COL4A5: variants seen among roughly 807,000 people sequenced by gnomAD.
COL4A5 encodes the protein collagen alpha-5(IV) chain.
COL4A5 carries 26 observed loss-of-function variants against 130.2 expected under a neutral mutation model. The observed-to-expected ratio is 0.20, with a 90% CI of 0.15 to 0.28. The LOEUF is 0.28. Ranked by LOEUF, COL4A5 falls within the 10% of genes least tolerant of loss-of-function variation. The probability of loss-of-function intolerance (pLI) is 1.00; values close to 1 mark genes in which losing one functional copy is unlikely to be tolerated. For synonymous variants in COL4A5, 496 were observed against 439.6 expected (o/e 1.13, Z -1.60); for missense variants, 1,131 against 1,344.3 (o/e 0.84, Z 2.48).
At chrX:108,521,269 G>A (rs771284099) in intron 1 of COL4A5, among the ~76,000 whole-genome samples, 1 of 111,034 alleles carries the variant, frequency 9.0e-6, no homozygotes, top group Admixed American at 9.7e-5. Flanking sequence ...TATCTAGAAT[G>A]CGTTGGAGGA....
At chrX:108,644,500 C>T (rs1259934581) in intron 36 of COL4A5, among the ~76,000 whole-genome samples, 1 of 112,084 alleles carries the variant, frequency 8.9e-6, no homozygotes, top group Non-Finnish European at 1.9e-5. Flanking sequence ...AAAGAAGCCT[C>T]AATAAATTTA....
At chrX:108,678,703 AT>A (rs929940412) in intron 44 of COL4A5, among the ~76,000 whole-genome samples, 1 of 110,766 alleles carries the variant, frequency 9.0e-6, no homozygotes, top group Non-Finnish European at 1.9e-5. Context: ...CTGTCTCTAA[AT>A]TTTTTTTAAT....
intron 1 of COL4A5, among the ~76,000 whole-genome samples, chrX:108,451,266 C>G (rs1203529917): frequency 1.8e-5 from 2 of 110,172 alleles, no homozygotes; most frequent in East Asian, 5.7e-4. Context: ...TGGGTTGGTT[C>G]CAAGTCTTTG....
intron 37 of COL4A5, among the ~76,000 whole-genome samples, chrX:108,657,188 G>A (rs753362792): frequency 9.0e-6 from 1 of 111,071 alleles, no homozygotes; most frequent in East Asian, 2.8e-4. Context: ...TGTGAGGTAG[G>A]GGTCAAGGTT....
chrX:108,559,489 G>C (rs769705358), intron 3 of COL4A5, among the ~76,000 whole-genome samples: 8 of 111,923 alleles, frequency 7.1e-5, no homozygotes, highest in Non-Finnish European at 1.1e-4. Flanking sequence ...CAAAATGAAA[G>C]TAACAGTCAA....
chrX:108,564,057 A>G, intron 4 of COL4A5, 131 bp downstream of exon 4: 1 of 535,466 alleles, frequency 1.9e-6, no homozygotes, highest in Non-Finnish European at 3.0e-6. Flanking sequence ...TCAAAAAGTT[A>G]AATTTAAGAG....
Position 108,580,979 on chromosome X carries a change from A to G in COL4A5, c.892-4A>G, listed in dbSNP as rs777914438. ...TTGCCCTATCATTTCTTTGTATCCT[A>G]TAGGGTAAACCAGGCAAAGATGGAG... On this transcript the variant is annotated splice_polypyrimidine_tract_variant and splice_region_variant and intron_variant, in intron 15 of 52. Coordinates refer to ENST00000328300, the MANE Select transcript of COL4A5 (RefSeq NM_033380.3). 6 of 1,204,467 alleles carry G rather than the reference A, an allele frequency of 5.0e-6. No homozygotes were observed. The African/African-American group carries it at 7.0e-5, about 14-fold the overall frequency.
chrX:108,629,436 C>T (rs1372599362), intron 36 of COL4A5, among the ~76,000 whole-genome samples: 1 of 110,708 alleles, frequency 9.0e-6, no homozygotes, highest in Non-Finnish European at 1.9e-5. Flanking sequence ...TGGCTTGGAT[C>T]AAGATAGTGG....
chrX:108,558,695 G>A lies in COL4A5; in HGVS notation c.142-369G>A, dbSNP rs185596944. 5.4e-5 allele frequency among the ~76,000 whole-genome samples: 6 copies of A among 111,154 alleles called. No homozygotes were observed. The East Asian group carries it at 1.4e-3, about 26-fold the overall frequency. ...TTCAAGTCTGGGAGCTTCTCTGATGGTTTCCTTTTACCCTTCCCTGCTCCA... is the reference window on the plus strand; with the variant it reads ...TTCAAGTCTGGGAGCTTCTCTGATGATTTCCTTTTACCCTTCCCTGCTCCA... On this transcript the variant is annotated intron_variant, in intron 2 of 52. Transcript: ENST00000328300.
Position 108,571,400 on chromosome X carries a change from TA to T in COL4A5, c.385-11del. On this transcript the variant is annotated splice_polypyrimidine_tract_variant and intron_variant, in intron 6 of 52. Transcript: ENST00000328300. ...CTTGTTCCTCCATGCTCTTTATTTT[TA>T]ACTCCTTCTAGGGAGAACGTGGATT... 1 of 1,177,207 alleles carries T rather than the reference TA, an allele frequency of 8.5e-7. No individual in the cohort carries two copies.
chrX:108,490,652 A>G (rs1365202826), intron 1 of COL4A5, among the ~76,000 whole-genome samples: 2 of 111,592 alleles, frequency 1.8e-5, no homozygotes, highest in African/African-American at 3.3e-5. Flanking sequence ...ATATTTAAAA[A>G]TTTATCTTAT....
At chrX:108,490,854 G>A (rs1233168618) in intron 1 of COL4A5, among the ~76,000 whole-genome samples, 2 of 110,894 alleles carry the variant, frequency 1.8e-5, no homozygotes, top group East Asian at 2.8e-4. Flanking sequence ...CTTGGTGTTC[G>A]TAAGTTCTTA....
chrX:108,508,899 C>A (rs868515035), intron 1 of COL4A5, among the ~76,000 whole-genome samples: 2 of 111,750 alleles, frequency 1.8e-5, no homozygotes, highest in Non-Finnish European at 3.8e-5. Flanking sequence ...ACATCACATA[C>A]AAAAATCAAC....
Position 108,622,807 on chromosome X carries a change from G to A in COL4A5, c.2899G>A (p.Gly967Arg), listed in dbSNP as rs1203193546. 1 of 1,209,667 alleles carries A rather than the reference G, an allele frequency of 8.3e-7. No individual in the cohort carries two copies. Among genetic ancestry groups the A allele is most frequent in the Non-Finnish European group, 1.1e-6 (1 of 894,666 alleles). Residue 967 changes from glycine (G) to arginine (R), a missense_variant, in exon 33 of 53, where the codon GGG (glycine) becomes AGG (arginine). By Grantham distance (125) the Gly-to-Arg change is moderately radical. Coordinates refer to ENST00000328300, the MANE Select transcript of COL4A5 (RefSeq NM_033380.3). ...TCTTCTGGGCTCAAAAGGAGAGAAG[G>A]GGGAACCTGGCTTACCAGGTGAGTG... ...PNLLGSKGEK[G>R]EPGLPGIPGV...
chrX:108,631,750 T>G (rs111912676), intron 36 of COL4A5, among the ~76,000 whole-genome samples: 11,461 of 110,710 alleles, frequency 0.1, 1,284 homozygotes, highest in African/African-American at 0.34. Context: ...ATAATGAAAT[T>G]AAGGCAGAAA....
At chrX:108,527,774 G>T (rs185189893) in intron 1 of COL4A5, among the ~76,000 whole-genome samples, 10 of 111,868 alleles carry the variant, frequency 8.9e-5, no homozygotes, top group Non-Finnish European at 1.3e-4. Context: ...ATCCACCACC[G>T]TGGGCCCCAG....
chrX:108,683,011 G>A (rs774786611), intron 47 of COL4A5, among the ~76,000 whole-genome samples: 2 of 111,892 alleles, frequency 1.8e-5, no homozygotes, highest in African/African-American at 6.5e-5. Flanking sequence ...TTTCTTCTAG[G>A]ATTTTTATGG....
chrX:108,475,249 T>C (rs1028474147), intron 1 of COL4A5, among the ~76,000 whole-genome samples: 5 of 111,689 alleles, frequency 4.5e-5, no homozygotes, highest in Non-Finnish European at 1.9e-5. Flanking sequence ...ATTTTAGCAA[T>C]GTTTTATACA....
intron 36 of COL4A5, among the ~76,000 whole-genome samples, chrX:108,644,299 A>G (rs771949555): frequency 1.8e-5 from 2 of 112,005 alleles, no homozygotes; most frequent in Non-Finnish European, 3.8e-5. Flanking sequence ...AGGAACTTCA[A>G]TCCTCTACTG....
Sources: allele counts gnomAD v4.1 joint callset (sites outside exome capture counted in the v4.1 genomes callset), GRCh38; gene constraint gnomAD v4.1.1; transcripts MANE v1.5; gene names NCBI Gene and HGNC (gene_info 2026-07-23, HGNC 2026-07-21).